Variants in NALCN observed in about 807,000 individuals in gnomAD.
The protein encoded by NALCN is sodium leak channel NALCN.
NALCN carries 111 observed loss-of-function variants against 225.3 expected under a neutral mutation model. That is an observed-to-expected ratio of 0.49 (90% CI 0.42 to 0.58). NALCN has a LOEUF of 0.58. NALCN is among the 20% of genes least tolerant of loss of function. The pLI is 0.00. For synonymous variants in NALCN, 764 were observed against 769.0 expected (o/e 0.99, Z 0.11); for missense variants, 1,378 against 2,202.4 (o/e 0.63, Z 7.49).
chr13:101,171,452 T>C (rs1027720146), intron 15 of NALCN, among the ~76,000 whole-genome samples: 2 of 151,868 alleles, frequency 1.3e-5, no homozygotes, highest in African/African-American at 2.4e-5. Flanking sequence ...TATATTTTTT[T>C]CCGAGGTCTC....
intron 6 of NALCN, among the ~76,000 whole-genome samples, chr13:101,364,406 A>G (rs2046328409): frequency 6.6e-6 from 1 of 152,196 alleles, no homozygotes; most frequent in South Asian, 2.1e-4. Context: ...AGCCATAAAA[A>G]TGAGTGAAAT....
intron 17 of NALCN, among the ~76,000 whole-genome samples, chr13:101,134,343 T>C (rs2036662835): frequency 6.6e-6 from 1 of 152,218 alleles, no homozygotes; most frequent in Non-Finnish European, 1.5e-5. Context: ...TTTGGACTCC[T>C]AGGCACCCAG....
intron 9 of NALCN, 107 bp from the exon 10 acceptor site, chr13:101,284,126 T>A: frequency 1.2e-6 from 1 of 835,970 alleles, no homozygotes; most frequent in Non-Finnish European, 1.8e-6. Flanking sequence ...TTTGTCTTCT[T>A]ATGGATTTAT....
intron 14 of NALCN, among the ~76,000 whole-genome samples, chr13:101,186,027 T>C (rs773247740): frequency 1.3e-5 from 2 of 152,356 alleles, no homozygotes; most frequent in Non-Finnish European, 2.9e-5. Context: ...ATATTTTAAC[T>C]TGTGAAGTTT....
chr13:101,372,047 A>C (rs2046554469), intron 6 of NALCN, among the ~76,000 whole-genome samples: 1 of 152,162 alleles, frequency 6.6e-6, no homozygotes, highest in African/African-American at 2.4e-5. Context: ...ATTACTGAAA[A>C]ATTTGAAACG....
At chr13:101,325,930 A>G (rs748973194) in intron 7 of NALCN, among the ~76,000 whole-genome samples, 5 of 152,158 alleles carry the variant, frequency 3.3e-5, no homozygotes, top group Non-Finnish European at 7.4e-5. Flanking sequence ...TTAGTTTAGA[A>G]ATTTGCTTGA....
intron 12 of NALCN, among the ~76,000 whole-genome samples, chr13:101,235,212 A>C (rs2041509747): frequency 1.3e-5 from 2 of 152,224 alleles, no homozygotes; most frequent in South Asian, 2.1e-4. Flanking sequence ...TTATTAAGCT[A>C]TTCCTCAAAT....
chr13:101,098,630 C>A (rs531543024), intron 27 of NALCN, among the ~76,000 whole-genome samples: 66 of 152,288 alleles, frequency 4.3e-4, no homozygotes, highest in African/African-American at 1.5e-3. Flanking sequence ...ACTGAAGCTT[C>A]GTTGTCTTTA....
rs543006288 is a variant in NALCN at position 101,198,789 on chromosome 13, G to A, written c.1627-6735C>T. Among the ~76,000 whole-genome samples the A allele has an allele frequency of 1.5e-4, 23 of 152,232 alleles. No individual in the cohort carries two copies. In the South Asian group the frequency reaches 4.8e-3, roughly 32 times the overall value. ...CATTTGACCCAGCCATCCCATTACT[G>A]GGTATATACTCACAGGATTATAAAT... On this transcript the variant is annotated intron_variant, in intron 13 of 43. Coordinates refer to ENST00000251127, the MANE Select transcript of NALCN (RefSeq NM_052867.4).
intron 10 of NALCN, among the ~76,000 whole-genome samples, chr13:101,267,228 A>G (rs2042627484): frequency 6.6e-6 from 1 of 152,232 alleles, no homozygotes; most frequent in African/African-American, 2.4e-5. Flanking sequence ...TGAAATCACA[A>G]ATCAACAAAC....
At chr13:101,356,154 A>G (rs2046052599) in intron 6 of NALCN, among the ~76,000 whole-genome samples, 3 of 152,210 alleles carry the variant, frequency 2.0e-5, no homozygotes, top group Admixed American at 2.0e-4. Flanking sequence ...GCAAGAGCAA[A>G]AAAATCTAAA....
intron 17 of NALCN, among the ~76,000 whole-genome samples, chr13:101,130,542 A>G (rs1204524633): frequency 1.3e-5 from 2 of 152,198 alleles, no homozygotes; most frequent in African/African-American, 4.8e-5. Flanking sequence ...GATTACTTGT[A>G]TCTTACATTA....
chr13:101,190,553 TAA>T (rs2140000146), intron 14 of NALCN, among the ~76,000 whole-genome samples: 1 of 152,342 alleles, frequency 6.6e-6, no homozygotes, highest in Non-Finnish European at 1.5e-5. Flanking sequence ...GCGTAACTTT[TAA>T]AAGTCAACTC....
chr13:101,208,379 C>A lies in NALCN; in HGVS notation c.1627-16325G>T, dbSNP rs528846955. Among the ~76,000 whole-genome samples the A allele has an allele frequency of 6.3e-4, 96 of 152,298 alleles. No homozygotes were observed. In the Middle Eastern group the frequency reaches 0.01, roughly 16 times the overall value. On this transcript the variant is annotated intron_variant, in intron 13 of 43. Transcript: ENST00000251127. Reference sequence around the variant, plus strand: ...AAGGAACAAACTCTAGACACACCATCTTTAAGAACTGTAACACTCACCGCA... The same window carrying A: ...AAGGAACAAACTCTAGACACACCATATTTAAGAACTGTAACACTCACCGCA...
At chr13:101,206,455 T>A (rs985415574) in intron 13 of NALCN, among the ~76,000 whole-genome samples, 2 of 152,046 alleles carry the variant, frequency 1.3e-5, no homozygotes, top group African/African-American at 4.8e-5. Context: ...AATAAAATAT[T>A]TTACAAGTCA....
intron 3 of NALCN, among the ~76,000 whole-genome samples, chr13:101,385,587 G>A (rs1376258417): frequency 6.6e-6 from 1 of 152,228 alleles, no homozygotes; most frequent in Non-Finnish European, 1.5e-5. Flanking sequence ...AGACATTAAA[G>A]TTGCCAGTGG....
At chr13:101,287,485 T>A (rs34912180) in intron 9 of NALCN, among the ~76,000 whole-genome samples, 24,134 of 152,158 alleles carry the variant, frequency 0.16, 2,278 homozygotes, top group East Asian at 0.34. Context: ...TAATTAACTT[T>A]CCAATCATTG....
chr13:101,249,220 A>G (rs1354158759), intron 11 of NALCN, among the ~76,000 whole-genome samples: 1 of 152,204 alleles, frequency 6.6e-6, no homozygotes, highest in Admixed American at 6.5e-5. Flanking sequence ...GTTAAAATTA[A>G]TGACTCTATA....
At chr13:101,106,690 G>A (rs375974971) in intron 22 of NALCN, among the ~76,000 whole-genome samples, 3 of 152,086 alleles carry the variant, frequency 2.0e-5, no homozygotes, top group Admixed American at 6.6e-5. Flanking sequence ...ATTTTATGAG[G>A]GGTTTCTGCT....
Sources: gnomAD v4.1 joint callset for allele counts (sites outside exome capture counted in the v4.1 genomes callset) on GRCh38, gnomAD v4.1.1 for gene constraint, MANE v1.5 for transcripts, NCBI Gene and HGNC (gene_info 2026-07-23, HGNC 2026-07-21) for gene names.